LOC400499: variants seen among roughly 807,000 people sequenced by gnomAD.
At chr16:11,382,752 G>T in the LOC400499 span, among the ~76,000 whole-genome samples, 11 of 152,158 alleles carry the variant, frequency 7.2e-5, no homozygotes, top group African/African-American at 2.7e-4. Flanking sequence ...GGAAGTTGCA[G>T]TGAGCCGAGA....
the LOC400499 span, among the ~76,000 whole-genome samples, chr16:11,452,082 T>G: frequency 4.6e-5 from 7 of 152,212 alleles, no homozygotes; most frequent in Non-Finnish European, 8.8e-5. Flanking sequence ...TCCAATTAGT[T>G]TTCTATTTCA....
chr16:11,453,337 G>A, the LOC400499 span, among the ~76,000 whole-genome samples: 1 of 152,036 alleles, frequency 6.6e-6, no homozygotes, highest in Non-Finnish European at 1.5e-5. Context: ...TGAAAACAGG[G>A]TAACCAATAT....
the LOC400499 span, among the ~76,000 whole-genome samples, chr16:11,512,392 C>G: frequency 6.6e-6 from 1 of 152,144 alleles, no homozygotes; most frequent in African/African-American, 2.4e-5. Flanking sequence ...CACCTGAGGT[C>G]AGGAGTTTGA....
chr16:11,460,424 C>T, the LOC400499 span: 1 of 1,473,922 alleles, frequency 6.8e-7, no homozygotes, highest in Non-Finnish European at 9.0e-7. Flanking sequence ...CAGATCACCA[C>T]TTGCCTGACT....
chr16:11,374,820 C>T, the LOC400499 span, among the ~76,000 whole-genome samples: 2 of 152,138 alleles, frequency 1.3e-5, no homozygotes, highest in East Asian at 3.9e-4. Flanking sequence ...TTAGGGGATC[C>T]ATACCCAGAA....
the LOC400499 span, among the ~76,000 whole-genome samples, chr16:11,493,319 C>T: frequency 6.6e-6 from 1 of 152,220 alleles, no homozygotes; most frequent in Non-Finnish European, 1.5e-5. Context: ...AGTGAGTGGG[C>T]ATGCCTGTGT....
chr16:11,463,074 C>A, the LOC400499 span, among the ~76,000 whole-genome samples: 1 of 152,170 alleles, frequency 6.6e-6, no homozygotes, highest in African/African-American at 2.4e-5. Context: ...TGAAGGCCAG[C>A]GAGGCCAGAA....
the LOC400499 span, among the ~76,000 whole-genome samples, chr16:11,416,514 ACCTACTATGCAC>A: frequency 6.6e-6 from 1 of 152,146 alleles, no homozygotes. Context: ...CCCATTCGAT[ACCTACTATGCAC>A]CCTACGGCGA....
chr16:11,386,952 C>G, the LOC400499 span, among the ~76,000 whole-genome samples: 2 of 152,238 alleles, frequency 1.3e-5, no homozygotes, highest in South Asian at 4.1e-4. Context: ...TGGACAAAAG[C>G]AGGATGTGTA....
At chr16:11,502,086 C>T in the LOC400499 span, 4 of 399,006 alleles carry the variant, frequency 1.0e-5, no homozygotes, top group African/African-American at 2.1e-5. Context: ...CCCATTGTCT[C>T]GGCATTTGAA....
chr16:11,494,909 T>C, the LOC400499 span: 1 of 396,748 alleles, frequency 2.5e-6, no homozygotes, highest in Non-Finnish European at 4.4e-6. Context: ...TCAGGGAACA[T>C]TTTAAAAGCA....
the LOC400499 span, chr16:11,473,092 G>A: frequency 2.7e-5 from 4 of 149,556 alleles, no homozygotes; most frequent in African/African-American, 1.0e-4. Context: ...CTCTAGCCTG[G>A]GTGACAGAGG....
chr16:11,472,652 T>C, the LOC400499 span: 24 of 152,322 alleles, frequency 1.6e-4, no homozygotes, highest in African/African-American at 5.5e-4. Context: ...TTTTTCATTA[T>C]TATTATTGTT....
the LOC400499 span, chr16:11,393,355 C>T: frequency 8.1e-7 from 1 of 1,231,336 alleles, no homozygotes; most frequent in Admixed American, 4.2e-5. Context: ...GGGGCCGTGG[C>T]CCAGCTAGCT....
chr16:11,392,462 T>C, the LOC400499 span: 3 of 398,858 alleles, frequency 7.5e-6, no homozygotes, highest in Middle Eastern at 6.2e-4. Context: ...TGTCCGCCCA[T>C]GGGCACATGC....
At chr16:11,399,873 G>A in the LOC400499 span, 6 of 398,446 alleles carry the variant, frequency 1.5e-5, no homozygotes, top group Non-Finnish European at 2.7e-5. Context: ...GGAGAGGAGA[G>A]GTTAACGGTG....
chr16:11,416,351 TG>T, the LOC400499 span, among the ~76,000 whole-genome samples: 2 of 152,108 alleles, frequency 1.3e-5, no homozygotes, highest in African/African-American at 4.8e-5. Flanking sequence ...ATAATCTATA[TG>T]GGGGTCAGAG....
At chr16:11,435,852 C>G in the LOC400499 span, 3 of 399,040 alleles carry the variant, frequency 7.5e-6, no homozygotes, top group Admixed American at 1.3e-4. Context: ...AGGCTGCGCA[C>G]TCTGTAGCGC....
At chr16:11,428,003 A>T in the LOC400499 span, among the ~76,000 whole-genome samples, 1 of 152,174 alleles carries the variant, frequency 6.6e-6, no homozygotes, top group South Asian at 2.1e-4. Flanking sequence ...CACAAGAAAG[A>T]ATTCAGGGAA....
Sources: gnomAD v4.1 joint callset for allele counts (sites outside exome capture counted in the v4.1 genomes callset) on GRCh38, gnomAD v4.1.1 for gene constraint, MANE v1.5 for transcripts.